The following RHOBTB1 variants were observed in gnomAD, a reference collection of about 807,000 sequenced individuals.
The protein encoded by RHOBTB1 is rho-related BTB domain-containing protein 1.
In RHOBTB1, 40 loss-of-function variants were observed where a neutral mutation model predicts 71.6. The observed-to-expected ratio is 0.56, with a 90% confidence interval of 0.43 to 0.73. The LOEUF is 0.73. Among genes scored for constraint, RHOBTB1 ranks in the 30% least tolerant of loss-of-function variants. RHOBTB1 has a pLI of 0.00. For missense variants in RHOBTB1, 797 were observed against 894.0 expected (o/e 0.89, Z 1.38); for synonymous variants, 319 against 334.9 (o/e 0.95, Z 0.52).
intron 2 of RHOBTB1, among the ~76,000 whole-genome samples, chr10:60,979,225 T>C (rs2086415061): frequency 6.6e-6 from 1 of 152,324 alleles, no homozygotes; most frequent in Non-Finnish European, 1.5e-5. Flanking sequence ...TATCTACCTT[T>C]TTTTGCCTAA....
chr10:60,992,435 C>A (rs1254618150), intron 1 of RHOBTB1, among the ~76,000 whole-genome samples: 1 of 152,154 alleles, frequency 6.6e-6, no homozygotes, highest in African/African-American at 2.4e-5. Context: ...CACAGACATG[C>A]TGGAGGGGAC....
intron 4 of RHOBTB1, among the ~76,000 whole-genome samples, chr10:60,908,671 A>AAAAAAAGT (rs2082806114): frequency 6.6e-6 from 1 of 152,206 alleles, no homozygotes; most frequent in South Asian, 2.1e-4. Flanking sequence ...TTTTCCATAA[A>AAAAAAAGT]AATGTAACTT....
intron 1 of RHOBTB1, among the ~76,000 whole-genome samples, chr10:60,986,420 TATATATATATAAA>T (rs2086668022): frequency 1.4e-5 from 2 of 144,720 alleles, no homozygotes; most frequent in East Asian, 2.0e-4. Context: ...TATATATATA[TATATATATATAAA>T]ATATATATAG....
chr10:60,931,092 G>A (rs1370964216), intron 2 of RHOBTB1, among the ~76,000 whole-genome samples: 1 of 152,128 alleles, frequency 6.6e-6, no homozygotes, highest in Non-Finnish European at 1.5e-5. Context: ...GCTGGACAAT[G>A]AGGCTATAAC....
At chr10:60,943,109 A>G (rs73266041) in intron 1 of RHOBTB1, among the ~76,000 whole-genome samples, 1,894 of 152,278 alleles carry the variant, frequency 0.012, 43 homozygotes, top group African/African-American at 0.043. Flanking sequence ...TGCCCCCAGC[A>G]ATTGTGTACA....
intron 2 of RHOBTB1, among the ~76,000 whole-genome samples, chr10:60,982,279 G>T (rs970378241): frequency 6.6e-6 from 1 of 152,084 alleles, no homozygotes; most frequent in East Asian, 1.9e-4. Context: ...TAGCAGATAG[G>T]CCTGACTAAC....
At chr10:60,967,291 T>TG (rs1315907236) in intron 2 of RHOBTB1, among the ~76,000 whole-genome samples, 3 of 149,982 alleles carry the variant, frequency 2.0e-5, no homozygotes, top group African/African-American at 4.9e-5. Flanking sequence ...GCCTGTTTTT[T>TG]TTTTTTTTTT....
At chr10:60,938,410 A>G (rs1273573299) in intron 2 of RHOBTB1, among the ~76,000 whole-genome samples, 1 of 152,184 alleles carries the variant, frequency 6.6e-6, no homozygotes, top group African/African-American at 2.4e-5. Context: ...TAACTATGAG[A>G]GTAGTCAAGT....
chr10:60,874,819 C>T, intron 9 of RHOBTB1, 135 bp downstream of exon 9: 1 of 661,056 alleles, frequency 1.5e-6, no homozygotes, highest in Non-Finnish European at 2.7e-6. Flanking sequence ...CTCAGATCTT[C>T]TTAGTGTACA....
chr10:60,963,370 A>G (rs916364659), intron 2 of RHOBTB1, among the ~76,000 whole-genome samples: 17 of 152,188 alleles, frequency 1.1e-4, no homozygotes, highest in African/African-American at 4.1e-4. Context: ...ACTACAATAA[A>G]AGAGATCCTG....
chr10:60,943,680 C>T (rs1196668733), intron 1 of RHOBTB1, among the ~76,000 whole-genome samples: 1 of 152,192 alleles, frequency 6.6e-6, no homozygotes, highest in African/African-American at 2.4e-5. Flanking sequence ...AGCCAGCCTG[C>T]TAAGGGTGCC....
chr10:60,978,573 A>T (rs535881604), intron 2 of RHOBTB1, among the ~76,000 whole-genome samples: 1 of 152,270 alleles, frequency 6.6e-6, no homozygotes, highest in African/African-American at 2.4e-5. Context: ...GTGCTGGGAC[A>T]GTAGCATGGC....
At chr10:60,986,404 G>GATATATATATATATATATATATATA (rs2086661553) in intron 1 of RHOBTB1, among the ~76,000 whole-genome samples, 2 of 67,636 alleles carry the variant, frequency 3.0e-5, no homozygotes, top group African/African-American at 8.0e-5. Context: ...ATAAATAAAA[G>GATATATATATATATATATATATATA]ATATATATAT....
At chr10:60,952,940 A>G (rs976807595) in intron 2 of RHOBTB1, among the ~76,000 whole-genome samples, 16 of 152,150 alleles carry the variant, frequency 1.1e-4, no homozygotes, top group African/African-American at 3.6e-4. Flanking sequence ...CAAAGAAAAC[A>G]CAATTTGTGG....
the RHOBTB1 span, among the ~76,000 whole-genome samples, chr10:60,862,650 TTC>T: frequency 1.4e-3 from 209 of 149,994 alleles, no homozygotes; most frequent in African/African-American, 5.0e-3. Context: ...CTTTCTCCCT[TTC>T]TTTTTTCTTT....
At chr10:60,949,667 T>A (rs1261193598) in intron 2 of RHOBTB1, among the ~76,000 whole-genome samples, 2 of 33,576 alleles carry the variant, frequency 6.0e-5, no homozygotes, top group African/African-American at 2.2e-4. Flanking sequence ...GGTGAAGCTT[T>A]TTTTTTTTTT....
chr10:60,909,545 G>A (rs1482898055), intron 4 of RHOBTB1, among the ~76,000 whole-genome samples: 1 of 152,100 alleles, frequency 6.6e-6, no homozygotes. Flanking sequence ...ATCAAATCAA[G>A]CTTCCTCAAA....
At chr10:60,895,025 A>C (rs2082095227) in intron 4 of RHOBTB1, among the ~76,000 whole-genome samples, 1 of 152,300 alleles carries the variant, frequency 6.6e-6, no homozygotes, top group East Asian at 1.9e-4. Flanking sequence ...ATGACCTGTA[A>C]ACAAGTACAG....
chr10:60,913,550 T>C (rs2083103170), intron 2 of RHOBTB1, among the ~76,000 whole-genome samples: 1 of 152,210 alleles, frequency 6.6e-6, no homozygotes, highest in Admixed American at 6.5e-5. Flanking sequence ...AGCATGAATT[T>C]GGTGTTAGAT....
Sources: allele counts gnomAD v4.1 joint callset (sites outside exome capture counted in the v4.1 genomes callset), GRCh38; gene constraint gnomAD v4.1.1; transcripts MANE v1.5; gene names NCBI Gene and HGNC (gene_info 2026-07-23, HGNC 2026-07-21).